Variants in XKR6 observed in about 807,000 individuals in gnomAD.
The protein encoded by XKR6 is XK-related protein 6.
In XKR6, 22 loss-of-function variants were observed where a neutral mutation model predicts 56.7. That is an observed-to-expected ratio of 0.39 (90% confidence interval 0.28 to 0.55). The LOEUF is 0.55. XKR6 is among the 20% of genes least tolerant of loss of function. The pLI is 0.66. For missense variants in XKR6, 852 were observed against 889.0 expected, an observed-to-expected ratio of 0.96 and a Z score of 0.53; for synonymous variants, 524 against 387.8, an observed-to-expected ratio of 1.35 and a Z score of -4.13.
chr8:10,961,150 C>T (rs1802048309), intron 1 of XKR6, among the ~76,000 whole-genome samples: 1 of 152,062 alleles, frequency 6.6e-6, no homozygotes, highest in African/African-American at 2.4e-5. Flanking sequence ...CGGATGAATC[C>T]CAGCAGAAGA....
At position 10,961,705 on chromosome 8, in the gene XKR6, G is replaced by A. The variant is rs144766533; in HGVS notation, c.765-36875C>T. 9.9e-3 allele frequency among the ~76,000 whole-genome samples: 1,501 copies of A among 152,330 alleles called. 16 individuals are homozygous for A. The highest frequency in any genetic ancestry group is 0.02 in the Admixed American group (306 of 15,310). ...CAGGCAACTGCAGCCCAGGGAGCTG[G>A]AAAAATGAGATTCTGAACTCTGGTT... On this transcript the variant is annotated intron_variant, in intron 1 of 2. Coordinates refer to ENST00000416569, the MANE Select transcript of XKR6 (RefSeq NM_173683.4).
chr8:11,077,726 T>C (rs1279321039), intron 1 of XKR6, among the ~76,000 whole-genome samples: 3 of 152,018 alleles, frequency 2.0e-5, no homozygotes, highest in Non-Finnish European at 2.9e-5. Context: ...CCAGGAGGAG[T>C]CCCATCCTGT....
At chr8:11,132,172 T>A (rs1800136000) in intron 1 of XKR6, among the ~76,000 whole-genome samples, 1 of 152,044 alleles carries the variant, frequency 6.6e-6, no homozygotes, top group African/African-American at 2.4e-5. Context: ...GGCCCATACT[T>A]TGAAAAGCCT....
chr8:11,077,075 C>G (rs1800293243), intron 1 of XKR6, among the ~76,000 whole-genome samples: 1 of 152,044 alleles, frequency 6.6e-6, no homozygotes, highest in Non-Finnish European at 1.5e-5. Flanking sequence ...ACTCAAGAGG[C>G]TGAGGCAGAA....
intron 1 of XKR6, among the ~76,000 whole-genome samples, chr8:11,005,106 C>G (rs1189517582): frequency 3.9e-5 from 6 of 151,998 alleles, no homozygotes; most frequent in Non-Finnish European, 7.4e-5. Context: ...TCTATATATA[C>G]TAAGTTTTTT....
Position 11,124,134 on chromosome 8 carries a change from G to C in XKR6, c.764+76442C>G, listed in dbSNP as rs2409711. 3,850 of 390,924 alleles carry C rather than the reference G, an allele frequency of 9.8e-3. 123 individuals are homozygous for C. The highest frequency in any genetic ancestry group is 0.073 in the African/African-American group (3,474 of 47,798). 24.2% of individuals were successfully genotyped at this position (390,924 alleles called of 1,614,324 possible). A position where few individuals can be genotyped will look rare whatever the true frequency, so the allele number is the denominator to read the frequency against. ...TTTACTTTATCTTCCCTACTAGAAT[G>C]ATTCTAATTTACTGGCATTTACATA... On this transcript the variant is annotated intron_variant, in intron 1 of 2. Coordinates refer to ENST00000416569, the MANE Select transcript of XKR6 (RefSeq NM_173683.4).
chr8:11,184,731 T>A (rs1020085932), intron 1 of XKR6, among the ~76,000 whole-genome samples: 3 of 152,150 alleles, frequency 2.0e-5, no homozygotes, highest in Non-Finnish European at 4.4e-5. Context: ...GGGAATTCAC[T>A]ATGTTGTCCA....
At chr8:11,137,425 T>G (rs1800460512) in intron 1 of XKR6, 1 of 363,506 alleles carries the variant, frequency 2.8e-6, no homozygotes, top group Admixed American at 3.7e-5. Flanking sequence ...GAGAAGAAAT[T>G]CTCCCTCAAA....
At chr8:11,033,593 C>A (rs994950176) in intron 1 of XKR6, among the ~76,000 whole-genome samples, 2 of 152,204 alleles carry the variant, frequency 1.3e-5, no homozygotes, top group East Asian at 1.9e-4. Flanking sequence ...CTGTTAATGG[C>A]CCCTGCCCCA....
chr8:10,916,091 G>C (rs1313456058), intron 2 of XKR6, among the ~76,000 whole-genome samples: 1 of 152,262 alleles, frequency 6.6e-6, no homozygotes, highest in Non-Finnish European at 1.5e-5. Flanking sequence ...GTGAGCCATG[G>C]AGAAGGAGGG....
At chr8:11,191,907 CAAT>C (rs376113337) in intron 1 of XKR6, among the ~76,000 whole-genome samples, 141 of 152,132 alleles carry the variant, frequency 9.3e-4, no homozygotes, top group Middle Eastern at 3.4e-3. Flanking sequence ...TTCTTAGGTG[CAAT>C]AATAATATTG....
chr8:10,963,879 A>G (rs981682191), intron 1 of XKR6, among the ~76,000 whole-genome samples: 18 of 152,226 alleles, frequency 1.2e-4, no homozygotes, highest in African/African-American at 4.3e-4. Context: ...TGATGTGAAC[A>G]CTGCATGAAC....
intron 2 of XKR6, among the ~76,000 whole-genome samples, chr8:10,913,009 CAG>C (rs1016485782): frequency 1.1e-4 from 16 of 140,450 alleles, no homozygotes; most frequent in Admixed American, 2.8e-4. Flanking sequence ...TATATATATA[CAG>C]AGAGAGAGGA....
chr8:11,091,302 G>A (rs1388991546), intron 1 of XKR6, among the ~76,000 whole-genome samples: 1 of 152,030 alleles, frequency 6.6e-6, no homozygotes, highest in Non-Finnish European at 1.5e-5. Context: ...GCCAGGTGTG[G>A]TGGTGCATGC....
chr8:11,115,728 G>A (rs896971782), intron 1 of XKR6, among the ~76,000 whole-genome samples: 4 of 152,140 alleles, frequency 2.6e-5, no homozygotes, highest in Admixed American at 6.5e-5. Context: ...TTACTGCAAC[G>A]CTAAGCTTGT....
At chr8:10,925,646 T>C (rs113020747) in intron 1 of XKR6, among the ~76,000 whole-genome samples, 11 of 152,178 alleles carry the variant, frequency 7.2e-5, no homozygotes, top group Non-Finnish European at 1.3e-4. Context: ...GCCTGACTCA[T>C]CACTTGCTAA....
At chr8:11,085,105 T>A (rs1797842920) in intron 1 of XKR6, among the ~76,000 whole-genome samples, 1 of 151,788 alleles carries the variant, frequency 6.6e-6, no homozygotes, top group Non-Finnish European at 1.5e-5. Context: ...CCTTCCAGGG[T>A]CTCCTCTGCA....
chr8:11,177,302 C>T (rs1300190716), intron 1 of XKR6, among the ~76,000 whole-genome samples: 1 of 152,178 alleles, frequency 6.6e-6, no homozygotes, highest in East Asian at 1.9e-4. Context: ...TTTTCATAAA[C>T]ACAAAATGTC....
chr8:11,165,746 A>G (rs1201854410), intron 1 of XKR6, among the ~76,000 whole-genome samples: 3 of 152,154 alleles, frequency 2.0e-5, no homozygotes, highest in African/African-American at 7.2e-5. Context: ...CCAGAAAGAC[A>G]CCATACATTC....
Sources: gnomAD v4.1 joint callset for allele counts (sites outside exome capture counted in the v4.1 genomes callset) on GRCh38, gnomAD v4.1.1 for gene constraint, MANE v1.5 for transcripts, NCBI Gene and HGNC (gene_info 2026-07-23, HGNC 2026-07-21) for gene names.